PTMA: variants seen among roughly 807,000 people sequenced by gnomAD.
PTMA encodes the protein prothymosin alpha.
A neutral mutation model predicts 16.9 loss-of-function variants in PTMA; 4 were observed. The observed-to-expected ratio is 0.24, with a 90% confidence interval of 0.12 to 0.54. The LOEUF (loss-of-function observed/expected upper bound fraction) is 0.54. Ranked by LOEUF, PTMA falls within the 20% of genes least tolerant of loss-of-function variation. PTMA has a pLI of 0.95. For synonymous variants in PTMA, 58 were observed against 47.9 expected (o/e 1.21, Z -0.87); for missense variants, 120 against 137.7 (o/e 0.87, Z 0.64).
chr2:231,710,073 C>T, intron 1 of PTMA: 10 of 1,230,794 alleles, frequency 8.1e-6, no homozygotes, highest in East Asian at 3.2e-5. Flanking sequence ...AGGTGACTTC[C>T]CGCGAGGGCG....
chr2:231,709,890 G>T, intron 1 of PTMA: 1 of 329,748 alleles, frequency 3.0e-6, no homozygotes, highest in Non-Finnish European at 5.3e-6. Flanking sequence ...TGTCCCTGGC[G>T]TCATCTCTGA....
chr2:231,711,302 T>G, intron 1 of PTMA, 46 bp from the exon 2 acceptor site: 1 of 1,528,750 alleles, frequency 6.5e-7, no homozygotes, highest in Non-Finnish European at 9.1e-7. Context: ...TACCCTGGGT[T>G]GCTCAGAAGA....
At chr2:231,710,448 C>T (rs1252318212) in intron 1 of PTMA, 1 of 1,125,350 alleles carries the variant, frequency 8.9e-7, no homozygotes, top group South Asian at 2.9e-5. Context: ...CTTCGGCCGC[C>T]AGGGGGCGAG....
rs1213944302 is a variant in PTMA, at chr2:231,708,606, GCCT to G, written c.-95_-93del. The G allele has an allele frequency of 7.5e-6, 11 of 1,474,800 alleles. No homozygotes were observed. The highest frequency in any genetic ancestry group is 1.7e-5 in the Admixed American group (1 of 58,444). The allele number at this position is 1,474,800 out of a possible 1,614,324, so 91.4% of individuals were successfully genotyped here. On this transcript the variant is annotated 5_prime_UTR_variant, in exon 1 of 5. Transcript: ENST00000409115. ...CTCGCCGCAGCCGCCTCCGCCGCGC[GCCT>G]CCTCCGCCGCCGCGGACTCCGGCAG... is the stretch of plus-strand genomic sequence containing the variant.
rs931789374 is a variant in PTMA at position 231,712,891 on chromosome 2, C to T, written c.*40C>T. 1.1e-5 allele frequency: 16 copies of T among 1,507,546 alleles called. No homozygotes were observed. Among genetic ancestry groups the T allele is most frequent in the Middle Eastern group, 2.4e-4 (1 of 4,248 alleles). 93.4% of individuals were successfully genotyped at this position (1,507,546 alleles called of 1,614,324 possible). ...AAAGTTAAACTAAAAAAAAAAAGGC[C>T]GCCGTGACCTATTCACCCTCCACTT... On this transcript the variant is annotated 3_prime_UTR_variant, in exon 5 of 5. Transcript: ENST00000409115.
chr2:231,708,778 CG>C (rs1559281054), intron 1 of PTMA, 27 bp downstream of exon 1: 2 of 1,597,822 alleles, frequency 1.3e-6, no homozygotes, highest in Admixed American at 1.7e-5. Context: ...CCCGCCCCCT[CG>C]GGGTCCGCGC....
In PTMA at chr2:231,708,662, GCTTT is replaced by G. The variant is rs771316409; in HGVS notation, c.-40_-37del. On this transcript the variant is annotated 5_prime_UTR_variant, in exon 1 of 5. Transcript: ENST00000409115. Reference sequence around the variant, plus strand: ...TTATCGCCAGAGTCCCTGAACTCTCGCTTTCTTTTTAATCCCCTGCATCGGATCA... The same window carrying G: ...TTATCGCCAGAGTCCCTGAACTCTCGCTTTTTAATCCCCTGCATCGGATCA... The G allele has an allele frequency of 3.5e-4, 567 of 1,598,612 alleles. 1 individual carries two copies. Among genetic ancestry groups the G allele is most frequent in the Non-Finnish European group, 4.6e-4 (539 of 1,178,914 alleles).
At chr2:231,712,398 C>A in intron 3 of PTMA, 45 bp from the exon 4 acceptor site, 1 of 1,578,176 alleles carries the variant, frequency 6.3e-7, no homozygotes, top group Non-Finnish European at 8.7e-7. Flanking sequence ...CCAGGAGCCA[C>A]AGTAGGAGGG....
In PTMA at chr2:231,708,740, A is replaced by G. The variant is rs1437813846; in HGVS notation, c.34A>G (p.Ile12Val). The G allele has an allele frequency of 6.2e-6, 10 of 1,603,452 alleles. No individual in the cohort carries two copies. Among genetic ancestry groups the G allele is most frequent in the Non-Finnish European group, 7.6e-6 (9 of 1,179,588 alleles). ...CGCAGCCGTAGACACCAGCTCCGAA[A>G]TCACCACCAAGGTGAGGCTGGACGC... is the stretch of plus-strand genomic sequence containing the variant. ...SDAAVDTSSE[I>V]TTKDLKEKKE... Residue 12 changes from isoleucine to valine, a missense_variant, in exon 1 of 5, where the codon ATC becomes GTC. Ile to Val is a conservative substitution (Grantham distance 29, BLOSUM62 3). Transcript: ENST00000409115.
Sources: allele counts gnomAD v4.1 joint callset, GRCh38; gene constraint gnomAD v4.1.1; transcripts MANE v1.5; gene names NCBI Gene and HGNC (gene_info 2026-07-23, HGNC 2026-07-21).